KHDRBS2: variants seen among roughly 807,000 people sequenced by gnomAD.
KHDRBS2 encodes KH domain-containing, RNA-binding, signal transduction-associated protein 2.
In KHDRBS2, 26 loss-of-function variants were observed where a neutral mutation model predicts 44.3. The ratio of observed to expected loss-of-function variants is 0.59; its 90% CI spans 0.43 to 0.81. The LOEUF (loss-of-function observed/expected upper bound fraction) is 0.81. Ranked by LOEUF, KHDRBS2 falls within the 40% of genes least tolerant of loss-of-function variation. The probability of loss-of-function intolerance (pLI) is 0.00; values close to 1 mark genes in which losing one functional copy is unlikely to be tolerated. For synonymous variants in KHDRBS2, 194 were observed against 151.1 expected, an observed-to-expected ratio of 1.28 and a Z score of -2.08; for missense variants, 476 against 433.1, an observed-to-expected ratio of 1.10 and a Z score of -0.88.
At chr6:62,175,905 C>T (rs950873227) in intron 2 of KHDRBS2, among the ~76,000 whole-genome samples, 1 of 151,324 alleles carries the variant, frequency 6.6e-6, no homozygotes, top group Non-Finnish European at 1.5e-5. Flanking sequence ...GACTATAGAA[C>T]TACATTTTTA....
At chr6:61,793,941 G>A (rs1056889843) in intron 6 of KHDRBS2, among the ~76,000 whole-genome samples, 8 of 152,148 alleles carry the variant, frequency 5.3e-5, no homozygotes, top group African/African-American at 1.9e-4. Context: ...GATGGCAATG[G>A]GCTATGGCAA....
chr6:61,606,622 A>G, the KHDRBS2 span, among the ~76,000 whole-genome samples: 1 of 152,180 alleles, frequency 6.6e-6, no homozygotes, highest in African/African-American at 2.4e-5. Context: ...AAGACAGGTT[A>G]TAGGAAAGAG....
chr6:61,997,634 G>A (rs879181516), intron 3 of KHDRBS2, among the ~76,000 whole-genome samples: 1 of 152,118 alleles, frequency 6.6e-6, no homozygotes, highest in Admixed American at 6.6e-5. Flanking sequence ...ACCAATCCAT[G>A]TAAATGAGCA....
the KHDRBS2 span, among the ~76,000 whole-genome samples, chr6:61,622,988 A>G: frequency 6.6e-6 from 1 of 152,152 alleles, no homozygotes; most frequent in African/African-American, 2.4e-5. Context: ...CACAGTTACT[A>G]TAATGATTGG....
chr6:61,625,918 C>G, the KHDRBS2 span, among the ~76,000 whole-genome samples: 2 of 152,134 alleles, frequency 1.3e-5, no homozygotes, highest in Non-Finnish European at 2.9e-5. Flanking sequence ...TAACTCCTAA[C>G]CATGGAATTG....
Position 62,136,248 on chromosome 6 carries a change from A to T in KHDRBS2, c.219+40937T>A, listed in dbSNP as rs1008098435. 3.3e-5 allele frequency among the ~76,000 whole-genome samples: 5 copies of T among 152,176 alleles called. No homozygotes were observed. The South Asian group carries it at 6.2e-4, about 19-fold the overall frequency. ...AAAACTTTATTTATTGAAACAACTC[A>T]TGGAATTTGGTCCACAGGCCACAGT... On this transcript the variant is annotated intron_variant, in intron 2 of 8. Transcript: ENST00000281156.
chr6:62,070,945 C>T (rs1046691757), intron 2 of KHDRBS2, among the ~76,000 whole-genome samples: 16 of 152,144 alleles, frequency 1.1e-4, no homozygotes, highest in African/African-American at 3.6e-4. Context: ...AACTAGTTTA[C>T]AGTCCCACCA....
chr6:61,994,414 C>T (rs1776782425), intron 3 of KHDRBS2, among the ~76,000 whole-genome samples: 2 of 152,172 alleles, frequency 1.3e-5, no homozygotes, highest in South Asian at 2.1e-4. Context: ...AATCCTCTAC[C>T]ATTCCCCTTT....
chr6:62,079,979 A>G (rs760414471), intron 2 of KHDRBS2, among the ~76,000 whole-genome samples: 2 of 152,024 alleles, frequency 1.3e-5, no homozygotes, highest in Non-Finnish European at 2.9e-5. Context: ...TGGCCAAAAC[A>G]AAATAAAAGA....
intron 2 of KHDRBS2, among the ~76,000 whole-genome samples, chr6:62,114,081 A>G (rs1320085188): frequency 2.6e-5 from 4 of 151,914 alleles, no homozygotes; most frequent in Non-Finnish European, 5.9e-5. Context: ...ATCTCATGAG[A>G]TCTCACTCAC....
At chr6:61,623,988 T>C in the KHDRBS2 span, among the ~76,000 whole-genome samples, 1 of 152,132 alleles carries the variant, frequency 6.6e-6, no homozygotes, top group East Asian at 1.9e-4. Context: ...GGTGAAAACA[T>C]ATACAAATTC....
At chr6:62,171,948 C>T (rs142507917) in intron 2 of KHDRBS2, among the ~76,000 whole-genome samples, 107 of 152,156 alleles carry the variant, frequency 7.0e-4, no homozygotes, top group African/African-American at 2.4e-3. Flanking sequence ...TGGAAACAAA[C>T]GACCATTATG....
At chr6:62,022,120 T>C (rs1782461428) in intron 3 of KHDRBS2, among the ~76,000 whole-genome samples, 1 of 151,340 alleles carries the variant, frequency 6.6e-6, no homozygotes, top group African/African-American at 2.4e-5. Flanking sequence ...TGTTAGGATT[T>C]AACATTGAAA....
chr6:62,039,919 C>T (rs1048817640), intron 3 of KHDRBS2, among the ~76,000 whole-genome samples: 6 of 152,180 alleles, frequency 3.9e-5, no homozygotes, highest in African/African-American at 1.4e-4. Flanking sequence ...ACTGGAATCA[C>T]CTGCCCAATT....
intron 3 of KHDRBS2, among the ~76,000 whole-genome samples, chr6:62,018,492 C>G (rs1218763161): frequency 6.6e-6 from 1 of 152,084 alleles, no homozygotes; most frequent in Non-Finnish European, 1.5e-5. Flanking sequence ...GGACTACAGG[C>G]GCCTGCCACC....
chr6:61,835,673 T>A (rs1792533820), intron 6 of KHDRBS2, among the ~76,000 whole-genome samples: 1 of 151,618 alleles, frequency 6.6e-6, no homozygotes, highest in African/African-American at 2.4e-5. Context: ...TTCAAAAATA[T>A]AAATATACTG....
At chr6:61,768,258 T>A (rs9353832) in intron 6 of KHDRBS2, among the ~76,000 whole-genome samples, 54,185 of 151,654 alleles carry the variant, frequency 0.36, 10,320 homozygotes, top group East Asian at 0.47. Context: ...GTTGTGTCTG[T>A]ATTTTCTCTC....
the KHDRBS2 span, among the ~76,000 whole-genome samples, chr6:61,560,278 T>G: frequency 5.9e-5 from 9 of 152,306 alleles, no homozygotes; most frequent in Non-Finnish European, 1.2e-4. Flanking sequence ...TTAAAGGCCT[T>G]GAAATAGTCT....
At chr6:62,111,168 G>A (rs1042315646) in intron 2 of KHDRBS2, among the ~76,000 whole-genome samples, 1 of 151,932 alleles carries the variant, frequency 6.6e-6, no homozygotes, top group South Asian at 2.1e-4. Context: ...ATAAGCTAAG[G>A]TATCCACATA....
Sources: allele counts gnomAD v4.1 joint callset (sites outside exome capture counted in the v4.1 genomes callset), GRCh38; gene constraint gnomAD v4.1.1; transcripts MANE v1.5; gene names NCBI Gene and HGNC (gene_info 2026-07-23, HGNC 2026-07-21).